Variants in SKAP1 observed in about 807,000 individuals in gnomAD.
SKAP1 encodes src kinase associated phosphoprotein 1.
In SKAP1, 44 loss-of-function variants were observed where a neutral mutation model predicts 58.5. That is an observed-to-expected ratio of 0.75 (90% CI 0.59 to 0.97). The LOEUF (loss-of-function observed/expected upper bound fraction) is 0.97. Among genes scored for constraint, SKAP1 ranks in the 50% least tolerant of loss-of-function variants. The pLI is 0.00. For synonymous variants in SKAP1, 127 were observed against 149.7 expected, an observed-to-expected ratio of 0.85 and a Z score of 1.11; for missense variants, 390 against 435.2, an observed-to-expected ratio of 0.90 and a Z score of 0.92.
At chr17:48,217,055 A>G (rs1310800342) in intron 4 of SKAP1, among the ~76,000 whole-genome samples, 1 of 152,148 alleles carries the variant, frequency 6.6e-6, no homozygotes, top group Non-Finnish European at 1.5e-5. Context: ...CTCTCTTATC[A>G]CATATTTTAT....
chr17:48,287,987 T>A (rs1278755115), intron 4 of SKAP1, among the ~76,000 whole-genome samples: 1 of 152,232 alleles, frequency 6.6e-6, no homozygotes, highest in Non-Finnish European at 1.5e-5. Flanking sequence ...CATAAACTTG[T>A]GTTTTTTAAA....
At chr17:48,234,177 G>C (rs542308522) in intron 4 of SKAP1, among the ~76,000 whole-genome samples, 1 of 152,190 alleles carries the variant, frequency 6.6e-6, no homozygotes, top group South Asian at 2.1e-4. Context: ...AAGGCACTGG[G>C]TGCCATGCTG....
chr17:48,227,615 C>A (rs974687533), intron 4 of SKAP1, among the ~76,000 whole-genome samples: 1 of 152,112 alleles, frequency 6.6e-6, no homozygotes, highest in Non-Finnish European at 1.5e-5. Flanking sequence ...TTATAGAATG[C>A]AGAGAGGATT....
At chr17:48,175,436 G>T (rs2064276708) in intron 9 of SKAP1, among the ~76,000 whole-genome samples, 1 of 152,190 alleles carries the variant, frequency 6.6e-6, no homozygotes, top group South Asian at 2.1e-4. Flanking sequence ...TAAATCCACG[G>T]ATGTATAGCA....
At chr17:48,319,601 T>C (rs924124572) in intron 4 of SKAP1, among the ~76,000 whole-genome samples, 3 of 152,184 alleles carry the variant, frequency 2.0e-5, no homozygotes, top group Admixed American at 6.5e-5. Flanking sequence ...TCCCAGCACC[T>C]TGGGAGGCCA....
chr17:48,426,848 T>TG (rs985408725), intron 1 of SKAP1, among the ~76,000 whole-genome samples: 26 of 132,066 alleles, frequency 2.0e-4, no homozygotes, highest in African/African-American at 7.5e-4. Context: ...CAAGATAGCG[T>TG]GTTTTTTTTT....
chr17:48,173,680 C>T (rs2064248343), intron 9 of SKAP1, among the ~76,000 whole-genome samples: 1 of 152,198 alleles, frequency 6.6e-6, no homozygotes, highest in South Asian at 2.1e-4. Context: ...GTTTATTCTA[C>T]CTCTGCTGTC....
chr17:48,307,893 A>G (rs2066169490), intron 4 of SKAP1: 1 of 152,168 alleles, frequency 6.6e-6, no homozygotes, highest in Non-Finnish European at 1.5e-5. Context: ...TTCCGCAAAT[A>G]TTTAGTGATT....
chr17:48,186,609 C>T (rs1057217594), intron 6 of SKAP1, among the ~76,000 whole-genome samples: 2 of 152,156 alleles, frequency 1.3e-5, no homozygotes, highest in African/African-American at 4.8e-5. Flanking sequence ...CCTCAGCCTA[C>T]AGGCACATGC....
chr17:48,390,336 G>A (rs1291673442), intron 2 of SKAP1, among the ~76,000 whole-genome samples: 1 of 152,128 alleles, frequency 6.6e-6, no homozygotes, highest in Non-Finnish European at 1.5e-5. Flanking sequence ...GCTAGCTCCA[G>A]ATCAAATGAG....
intron 4 of SKAP1, among the ~76,000 whole-genome samples, chr17:48,257,006 A>C (rs1210842417): frequency 6.6e-6 from 1 of 152,094 alleles, no homozygotes; most frequent in African/African-American, 2.4e-5. Context: ...GATTAAGCAC[A>C]AGGATGATAC....
intron 1 of SKAP1, among the ~76,000 whole-genome samples, chr17:48,409,784 G>A (rs376162320): frequency 1.3e-5 from 2 of 152,018 alleles, no homozygotes; most frequent in African/African-American, 4.8e-5. Flanking sequence ...AAATTATACC[G>A]TATCATACTA....
At chr17:48,230,065 C>A (rs2065110289) in intron 4 of SKAP1, among the ~76,000 whole-genome samples, 1 of 81,380 alleles carries the variant, frequency 1.2e-5, no homozygotes, top group South Asian at 6.5e-4. Context: ...ATCCTTCTCA[C>A]TTTTCAACAA....
At position 48,298,776 on chromosome 17, in the gene SKAP1, T is replaced by C. The variant is rs567085922; in HGVS notation, c.280+47129A>G. Among the ~76,000 whole-genome samples the C allele has an allele frequency of 1.2e-4, 18 of 152,354 alleles. No homozygotes were observed. The South Asian group carries it at 3.7e-3, about 32-fold the overall frequency. On this transcript the variant is annotated intron_variant, in intron 4 of 12. Coordinates refer to ENST00000336915, the MANE Select transcript of SKAP1 (RefSeq NM_003726.4). ...TATTTTCCAGTGCAATTACTCTTTT[T>C]CTTAAATCTAATTGAATTCACTTTC...
At chr17:48,240,179 G>T (rs971493817) in intron 4 of SKAP1, among the ~76,000 whole-genome samples, 1 of 150,700 alleles carries the variant, frequency 6.6e-6, no homozygotes, top group African/African-American at 2.4e-5. Flanking sequence ...TGAGGGAGAA[G>T]GGAAAAAAAA....
chr17:48,274,476 C>T (rs2065674172), intron 4 of SKAP1, among the ~76,000 whole-genome samples: 1 of 151,804 alleles, frequency 6.6e-6, no homozygotes, highest in South Asian at 2.1e-4. Context: ...GCAGGTGGAT[C>T]ACCTGAAGTC....
At chr17:48,400,816 AAT>A (rs1567899836) in intron 1 of SKAP1, among the ~76,000 whole-genome samples, 1 of 152,186 alleles carries the variant, frequency 6.6e-6, no homozygotes, top group African/African-American at 2.4e-5. Flanking sequence ...AGCACTTACG[AAT>A]AAATAGAACA....
chr17:48,443,696 G>A, the SKAP1 span, among the ~76,000 whole-genome samples: 16 of 151,998 alleles, frequency 1.1e-4, no homozygotes, highest in Non-Finnish European at 1.6e-4. Flanking sequence ...GGCTTGTCTC[G>A]AACTCCTGAC....
At chr17:48,351,424 T>C (rs1479095665) in intron 3 of SKAP1, among the ~76,000 whole-genome samples, 1 of 152,166 alleles carries the variant, frequency 6.6e-6, no homozygotes, top group Non-Finnish European at 1.5e-5. Context: ...ACTTTCTGCC[T>C]ATCTCTCTTT....
Sources: allele counts gnomAD v4.1 joint callset (sites outside exome capture counted in the v4.1 genomes callset), GRCh38; gene constraint gnomAD v4.1.1; transcripts MANE v1.5; gene names NCBI Gene and HGNC (gene_info 2026-07-23, HGNC 2026-07-21).